SPOCK1: variants seen among roughly 807,000 people sequenced by gnomAD.
SPOCK1 encodes testican-1.
A neutral mutation model predicts 55.3 loss-of-function variants in SPOCK1; 23 were observed. The ratio of observed to expected loss-of-function variants is 0.42; its 90% CI spans 0.30 to 0.59. The LOEUF is 0.59. Ranked by LOEUF, SPOCK1 falls within the 20% of genes least tolerant of loss-of-function variation. The pLI is 0.22. For missense variants in SPOCK1, 499 were observed against 552.5 expected (o/e 0.90, Z 0.97); for synonymous variants, 226 against 221.0 (o/e 1.02, Z -0.20).
At chr5:137,344,122 A>G (rs1428092116) in intron 2 of SPOCK1, among the ~76,000 whole-genome samples, 3 of 152,224 alleles carry the variant, frequency 2.0e-5, no homozygotes, top group East Asian at 1.9e-4. Flanking sequence ...TATCGCAAAG[A>G]GATTCTGGGA....
intron 6 of SPOCK1, among the ~76,000 whole-genome samples, chr5:137,039,224 G>A (rs948641303): frequency 2.0e-5 from 3 of 146,788 alleles, no homozygotes; most frequent in African/African-American, 7.5e-5. Flanking sequence ...ACTAGTAGAT[G>A]CTGAATCTAG....
chr5:137,092,562 C>T (rs1456547610), intron 5 of SPOCK1, among the ~76,000 whole-genome samples: 1 of 152,250 alleles, frequency 6.6e-6, no homozygotes, highest in African/African-American at 2.4e-5. Context: ...ACCTGATACA[C>T]ACCCACTTTT....
intron 2 of SPOCK1, among the ~76,000 whole-genome samples, chr5:137,450,859 A>G (rs1372667562): frequency 1.1e-5 from 1 of 92,180 alleles, no homozygotes; most frequent in Non-Finnish European, 2.1e-5. Context: ...ATCCATTCTC[A>G]CTGTGGCTGC....
intron 2 of SPOCK1, among the ~76,000 whole-genome samples, chr5:137,378,353 T>C (rs1051408856): frequency 6.6e-6 from 1 of 152,144 alleles, no homozygotes; most frequent in African/African-American, 2.4e-5. Flanking sequence ...AGAGAACAGG[T>C]CTAGTAGGAG....
intron 2 of SPOCK1, among the ~76,000 whole-genome samples, chr5:137,389,648 CA>C (rs1249264514): frequency 6.6e-6 from 1 of 152,226 alleles, no homozygotes; most frequent in Admixed American, 6.5e-5. Flanking sequence ...CTAAGAGCCA[CA>C]AAGCTGCAAG....
intron 2 of SPOCK1, among the ~76,000 whole-genome samples, chr5:137,407,745 C>T (rs762559567): frequency 1.2e-4 from 19 of 152,216 alleles, no homozygotes; most frequent in African/African-American, 1.7e-4. Flanking sequence ...TCAAGTCTTT[C>T]TGCTCTGTAA....
chr5:137,363,259 C>T (rs186373379), intron 2 of SPOCK1, among the ~76,000 whole-genome samples: 344 of 152,288 alleles, frequency 2.3e-3, no homozygotes, highest in Non-Finnish European at 3.0e-3. Flanking sequence ...CCAGGGATAC[C>T]AAAAACTCAC....
chr5:137,114,493 G>A (rs969202322), intron 4 of SPOCK1, among the ~76,000 whole-genome samples: 7 of 152,104 alleles, frequency 4.6e-5, no homozygotes, highest in African/African-American at 1.7e-4. Context: ...GCTCACCTTG[G>A]CTTTGCCCTC....
At chr5:137,011,801 T>C (rs1751356073) in intron 6 of SPOCK1, among the ~76,000 whole-genome samples, 1 of 152,156 alleles carries the variant, frequency 6.6e-6, no homozygotes, top group Admixed American at 6.6e-5. Context: ...TCAAGATGGT[T>C]CATTTGTCTG....
intron 3 of SPOCK1, among the ~76,000 whole-genome samples, chr5:137,180,218 C>T (rs772638102): frequency 6.6e-6 from 1 of 152,160 alleles, no homozygotes; most frequent in Non-Finnish European, 1.5e-5. Context: ...GCACACAGCA[C>T]ATGCAAGCAC....
chr5:137,396,561 G>A (rs540806825), intron 2 of SPOCK1, among the ~76,000 whole-genome samples: 8 of 152,294 alleles, frequency 5.3e-5, no homozygotes, highest in African/African-American at 9.6e-5. Context: ...GACTGGAGAC[G>A]CCTGCCTAGT....
rs192265956 is a variant in SPOCK1, at chr5:137,105,655, A to G, written c.474+6780T>C. ...GTTGGAAACTATTAAGATGCCTCTG[A>G]AAAAATAATATAATCTGCAGCGACA... is the stretch of plus-strand genomic sequence containing the variant. On this transcript the variant is annotated intron_variant, in intron 5 of 10. Coordinates refer to ENST00000394945, the MANE Select transcript of SPOCK1 (RefSeq NM_004598.4). 1.4e-3 allele frequency among the ~76,000 whole-genome samples: 206 copies of G among 152,332 alleles called. 2 individuals are homozygous for G. The highest frequency in any genetic ancestry group is 4.4e-3 in the African/African-American group (182 of 41,568).
At chr5:137,332,263 C>T (rs1164281452) in intron 2 of SPOCK1, among the ~76,000 whole-genome samples, 3 of 152,170 alleles carry the variant, frequency 2.0e-5, no homozygotes, top group Admixed American at 6.5e-5. Flanking sequence ...TTGACCTGAG[C>T]TCACAAGTTC....
At position 137,421,103 on chromosome 5, in the gene SPOCK1, G is replaced by A. The variant is rs374955401; in HGVS notation, c.186+77270C>T. 3.9e-3 allele frequency among the ~76,000 whole-genome samples: 599 copies of A among 152,234 alleles called. 6 individuals are homozygous for A. The highest frequency in any genetic ancestry group is 0.013 in the African/African-American group (557 of 41,530). On this transcript the variant is annotated intron_variant, in intron 2 of 10. Coordinates refer to ENST00000394945, the MANE Select transcript of SPOCK1 (RefSeq NM_004598.4). ...TTGTTCAGTTTCCATGTAGTTGAGCGGTTTTGAGTGAGTTTCCTAATCCTG... is the reference window on the plus strand; with the variant it reads ...TTGTTCAGTTTCCATGTAGTTGAGCAGTTTTGAGTGAGTTTCCTAATCCTG...
At chr5:137,053,219 A>T (rs1265914631) in intron 6 of SPOCK1, among the ~76,000 whole-genome samples, 1 of 152,172 alleles carries the variant, frequency 6.6e-6, no homozygotes, top group African/African-American at 2.4e-5. Context: ...AGGGACAAGG[A>T]GGCAACAAAC....
At chr5:137,147,534 C>G (rs554496887) in intron 3 of SPOCK1, among the ~76,000 whole-genome samples, 6 of 152,298 alleles carry the variant, frequency 3.9e-5, no homozygotes, top group African/African-American at 9.6e-5. Context: ...AGCCAGCCAG[C>G]TTTTTGCTAC....
In SPOCK1 at chr5:137,217,492, C is replaced by T. The variant is rs145838652; in HGVS notation, c.232+49518G>A. 5.3e-5 allele frequency among the ~76,000 whole-genome samples: 8 copies of T among 152,326 alleles called. No individual in the cohort carries two copies. The East Asian group carries it at 1.2e-3, about 22-fold the overall frequency. Reference sequence around the variant, plus strand: ...TAAAACATGGACTCTGCGATTGCTTCCAGCTCAAATGCTCTGATTCTAAAG... The same window carrying T: ...TAAAACATGGACTCTGCGATTGCTTTCAGCTCAAATGCTCTGATTCTAAAG... On this transcript the variant is annotated intron_variant, in intron 3 of 10. Coordinates refer to ENST00000394945, the MANE Select transcript of SPOCK1 (RefSeq NM_004598.4).
intron 2 of SPOCK1, among the ~76,000 whole-genome samples, chr5:137,451,460 T>G (rs1399328394): frequency 6.6e-6 from 1 of 152,212 alleles, no homozygotes; most frequent in Non-Finnish European, 1.5e-5. Flanking sequence ...TTCTTCTTTT[T>G]TTAGTGACAA....
intron 2 of SPOCK1, among the ~76,000 whole-genome samples, chr5:137,481,032 T>G (rs907457858): frequency 2.0e-5 from 3 of 152,210 alleles, no homozygotes; most frequent in Admixed American, 2.0e-4. Context: ...GGCTGGTGGA[T>G]GTGCACCTGT....
Sources: gnomAD v4.1 joint callset for allele counts (sites outside exome capture counted in the v4.1 genomes callset) on GRCh38, gnomAD v4.1.1 for gene constraint, MANE v1.5 for transcripts, NCBI Gene and HGNC (gene_info 2026-07-23, HGNC 2026-07-21) for gene names.